The following NRXN3 variants were observed in gnomAD, a reference collection of about 807,000 sequenced individuals.
NRXN3 encodes the protein neurexin III.
A neutral mutation model predicts 137.6 loss-of-function variants in NRXN3; 32 were observed. The ratio of observed to expected loss-of-function variants is 0.23; its 90% CI spans 0.18 to 0.31. The LOEUF (loss-of-function observed/expected upper bound fraction) is 0.31. Ranked by LOEUF, NRXN3 falls within the 10% of genes least tolerant of loss-of-function variation. The pLI is 1.00. For synonymous variants in NRXN3, 798 were observed against 784.5 expected, an observed-to-expected ratio of 1.02 and a Z score of -0.29; for missense variants, 1,574 against 2,062.5, an observed-to-expected ratio of 0.76 and a Z score of 4.59.
chr14:78,732,163 T>C (rs2152903290), intron 8 of NRXN3, among the ~76,000 whole-genome samples: 1 of 152,318 alleles, frequency 6.6e-6, no homozygotes, highest in African/African-American at 2.4e-5. Flanking sequence ...ATGCAAGTAC[T>C]CAGTACCTCC....
chr14:79,458,346 T>C (rs535594865), intron 15 of NRXN3, among the ~76,000 whole-genome samples: 1 of 152,318 alleles, frequency 6.6e-6, no homozygotes, highest in Admixed American at 6.5e-5. Context: ...TCATGAGAGA[T>C]GCTGTGAGCT....
At chr14:79,701,681 A>G (rs371432645) in intron 19 of NRXN3, among the ~76,000 whole-genome samples, 15 of 152,152 alleles carry the variant, frequency 9.9e-5, no homozygotes, top group African/African-American at 3.1e-4. Context: ...ACAATATGCT[A>G]TTAGTCTAAA....
At chr14:78,866,286 A>G (rs1275045599) in intron 10 of NRXN3, among the ~76,000 whole-genome samples, 1 of 152,178 alleles carries the variant, frequency 6.6e-6, no homozygotes, top group Non-Finnish European at 1.5e-5. Flanking sequence ...AACAAATCCT[A>G]AGTAATTTTG....
intron 11 of NRXN3, among the ~76,000 whole-genome samples, chr14:78,960,196 G>A (rs2099405375): frequency 6.6e-6 from 1 of 152,120 alleles, no homozygotes; most frequent in Non-Finnish European, 1.5e-5. Flanking sequence ...CACTGCTGAT[G>A]GAAGAAAGCA....
rs111437047 is a variant in NRXN3 at position 78,877,336 on chromosome 14, C to A, written c.2275+66992C>A. Among the ~76,000 whole-genome samples, 257 of 152,192 alleles carry A rather than the reference C, an allele frequency of 1.7e-3. 1 individual carries two copies. Among genetic ancestry groups the A allele is most frequent in the African/African-American group, 5.6e-3 (232 of 41,526 alleles). On this transcript the variant is annotated intron_variant, in intron 10 of 20. Coordinates refer to ENST00000335750, the MANE Select transcript of NRXN3 (RefSeq NM_001330195.2). ...GGTTATTGATATTTTCTGAAGGTCC[C>A]CATTCCATGCCTTTTTCAGGGCCCC...
intron 1 of NRXN3, among the ~76,000 whole-genome samples, chr14:78,183,176 G>T (rs994969434): frequency 2.0e-5 from 3 of 152,148 alleles, no homozygotes; most frequent in East Asian, 1.9e-4. Context: ...CTTCCTTCTG[G>T]CAAGAACCAT....
At chr14:78,497,582 T>TCATCCATCCATC (rs3036594) in intron 4 of NRXN3, among the ~76,000 whole-genome samples, 1 of 150,792 alleles carries the variant, frequency 6.6e-6, no homozygotes, top group Non-Finnish European at 1.5e-5. Flanking sequence ...GTCTGTCCAT[T>TCATCCATCCATC]CATCCATCCA....
intron 6 of NRXN3, among the ~76,000 whole-genome samples, chr14:78,688,242 G>T (rs565988048): frequency 6.6e-6 from 1 of 152,144 alleles, no homozygotes; most frequent in Admixed American, 6.5e-5. Context: ...CTATAGAGAA[G>T]GAATCCAAAG....
At chr14:78,246,199 A>T (rs1201653631) in intron 2 of NRXN3, among the ~76,000 whole-genome samples, 1 of 152,060 alleles carries the variant, frequency 6.6e-6, no homozygotes, top group Non-Finnish European at 1.5e-5. Flanking sequence ...GCAGGTTTGG[A>T]TCAGCACTTT....
chr14:79,740,712 TTA>T (rs869216055), intron 19 of NRXN3, among the ~76,000 whole-genome samples: 91 of 16,094 alleles, frequency 5.7e-3, no homozygotes, highest in Admixed American at 0.01. Context: ...ATTTAGTTTT[TTA>T]TATATATATA....
chr14:79,026,430 T>C (rs2099598147), intron 15 of NRXN3, among the ~76,000 whole-genome samples: 1 of 152,150 alleles, frequency 6.6e-6, no homozygotes, highest in Non-Finnish European at 1.5e-5. Context: ...GCCTATGATG[T>C]GGCACATGTC....
intron 19 of NRXN3, among the ~76,000 whole-genome samples, chr14:79,768,712 G>A (rs189307492): frequency 3.3e-5 from 5 of 152,300 alleles, no homozygotes; most frequent in South Asian, 2.1e-4. Flanking sequence ...TAAAAGCAGA[G>A]CGCCTCTCCT....
intron 19 of NRXN3, among the ~76,000 whole-genome samples, chr14:79,724,111 AGT>A (rs932912264): frequency 2.0e-5 from 3 of 152,158 alleles, no homozygotes; most frequent in African/African-American, 7.2e-5. Flanking sequence ...GCTGAAAAAA[AGT>A]GTGATACTTC....
At chr14:79,474,900 C>T (rs1435627461) in intron 16 of NRXN3, among the ~76,000 whole-genome samples, 1 of 152,046 alleles carries the variant, frequency 6.6e-6, no homozygotes, top group East Asian at 1.9e-4. Context: ...TAGCCATGAC[C>T]ATCACCACCA....
At chr14:79,750,143 A>G (rs1356963345) in intron 19 of NRXN3, among the ~76,000 whole-genome samples, 1 of 152,124 alleles carries the variant, frequency 6.6e-6, no homozygotes, top group Non-Finnish European at 1.5e-5. Flanking sequence ...CTGGATTAGA[A>G]CCATCTCAAA....
chr14:79,512,601 A>G (rs1601476350), intron 16 of NRXN3, among the ~76,000 whole-genome samples: 2 of 152,364 alleles, frequency 1.3e-5, no homozygotes, highest in South Asian at 4.1e-4. Context: ...AATAGTAACA[A>G]TGCTGTTCAT....
chr14:78,538,784 T>G (rs947795644), intron 4 of NRXN3, among the ~76,000 whole-genome samples: 3 of 152,338 alleles, frequency 2.0e-5, no homozygotes, highest in South Asian at 4.1e-4. Flanking sequence ...TTGAGATAAG[T>G]TCCATCAATA....
intron 20 of NRXN3, among the ~76,000 whole-genome samples, chr14:79,807,258 C>T (rs1366112372): frequency 3.3e-5 from 5 of 151,950 alleles, no homozygotes; most frequent in African/African-American, 1.2e-4. Flanking sequence ...CCTTTCTTAG[C>T]AGTGATATCT....
chr14:79,000,759 G>A (rs1382898944), intron 15 of NRXN3, among the ~76,000 whole-genome samples: 1 of 152,028 alleles, frequency 6.6e-6, no homozygotes, highest in Non-Finnish European at 1.5e-5. Flanking sequence ...TACATGTCAT[G>A]GACACAATCG....
Sources: allele counts gnomAD v4.1 joint callset (sites outside exome capture counted in the v4.1 genomes callset), GRCh38; gene constraint gnomAD v4.1.1; transcripts MANE v1.5; gene names NCBI Gene and HGNC (gene_info 2026-07-23, HGNC 2026-07-21).